Variants in DNASE1 observed in about 807,000 individuals in gnomAD.
DNASE1 encodes deoxyribonuclease-1.
A neutral mutation model predicts 33.9 loss-of-function variants in DNASE1; 40 were observed. The ratio of observed to expected loss-of-function variants is 1.18; its 90% CI spans 0.92 to 1.54. The LOEUF is 1.54. DNASE1 is among the 40% of genes most tolerant of loss of function. DNASE1 has a pLI of 0.00. For synonymous variants in DNASE1, 216 were observed against 160.0 expected, an observed-to-expected ratio of 1.35 and a Z score of -2.64; for missense variants, 518 against 372.6, an observed-to-expected ratio of 1.39 and a Z score of -3.21.
At chr16:3,612,898 C>T (rs182993298) in intron 1 of DNASE1, among the ~76,000 whole-genome samples, 191 of 150,992 alleles carry the variant, frequency 1.3e-3, no homozygotes, top group Non-Finnish European at 2.3e-3. Context: ...CTGGCCTTAA[C>T]ATCTGAGAGT....
chr16:3,630,286 A>G (rs892804332), intron 1 of DNASE1, among the ~76,000 whole-genome samples: 1 of 151,934 alleles, frequency 6.6e-6, no homozygotes, highest in Non-Finnish European at 1.5e-5. Context: ...GCTCAAAACG[A>G]TCTTCCCACC....
chr16:3,623,640 T>C (rs1170626500), intron 1 of DNASE1, among the ~76,000 whole-genome samples: 1 of 152,224 alleles, frequency 6.6e-6, no homozygotes, highest in South Asian at 2.1e-4. Context: ...AACCCATTAG[T>C]AAGTGAGCAA....
upstream of DNASE1, chr16:3,653,142 A>G (rs903004234): frequency 1.3e-5 from 2 of 152,210 alleles, no homozygotes; most frequent in Non-Finnish European, 2.9e-5. Context: ...ATGCAGGTGC[A>G]CAGATCTTAA....
chr16:3,625,282 G>A (rs895419502), intron 1 of DNASE1, among the ~76,000 whole-genome samples: 1 of 152,116 alleles, frequency 6.6e-6, no homozygotes, highest in Non-Finnish European at 1.5e-5. Flanking sequence ...TTCCAGCCTG[G>A]GCAACAGAGT....
chr16:3,617,481 A>G (rs960196914), intron 1 of DNASE1, among the ~76,000 whole-genome samples: 6 of 152,190 alleles, frequency 3.9e-5, no homozygotes, highest in Non-Finnish European at 7.3e-5. Context: ...TTTGTGTAAA[A>G]GTATACTATC....
At chr16:3,636,845 C>A (rs1270054447) in intron 1 of DNASE1, among the ~76,000 whole-genome samples, 1 of 151,914 alleles carries the variant, frequency 6.6e-6, no homozygotes, top group Non-Finnish European at 1.5e-5. Flanking sequence ...AAAAACAGGC[C>A]AGGCACAGTG....
chr16:3,662,583 C>T (rs188558080), downstream of DNASE1: 25 of 613,972 alleles, frequency 4.1e-5, no homozygotes, highest in Admixed American at 4.5e-4. Context: ...GTAGCATGTC[C>T]CTTGTTTGGA....
Position 3,657,053 on chromosome 16 carries a change from C to A in DNASE1, c.491C>A (p.Ala164Asp). ...PLHAAPGDAV[A>D]EIDALYDVYL... The stretch of plus-strand genomic sequence containing the variant: ...CATGCGGCCCCGGGGGACGCAGTAG[C>A]CGAGATCGACGCTCTCTATGACGTC... Residue 164 changes from alanine to aspartate, a missense_variant, in exon 6 of 9, where the codon GCC (alanine) becomes GAC (aspartate). Physicochemically the swap from Ala to Asp is moderately radical, Grantham distance 126. Coordinates refer to ENST00000246949, the MANE Select transcript of DNASE1 (RefSeq NM_005223.4). 1 of 1,614,002 alleles carries A rather than the reference C, an allele frequency of 6.2e-7. No individual in the cohort carries two copies. Among genetic ancestry groups the A allele is most frequent in the Non-Finnish European group, 8.5e-7 (1 of 1,180,002 alleles).
At chr16:3,630,419 A>G (rs1244191372) in intron 1 of DNASE1, among the ~76,000 whole-genome samples, 2 of 150,628 alleles carry the variant, frequency 1.3e-5, no homozygotes, top group Admixed American at 6.6e-5. Context: ...CAAAGCTCAG[A>G]CATCTGCCCA....
At chr16:3,643,583 A>C (rs757710778) in intron 1 of DNASE1, among the ~76,000 whole-genome samples, 1 of 152,180 alleles carries the variant, frequency 6.6e-6, no homozygotes, top group Non-Finnish European at 1.5e-5. Context: ...GGACATGTCC[A>C]GACCCTCCGC....
At chr16:3,634,100 G>A (rs562446429) in intron 1 of DNASE1, among the ~76,000 whole-genome samples, 7 of 151,744 alleles carry the variant, frequency 4.6e-5, no homozygotes, top group Non-Finnish European at 8.8e-5. Context: ...GTGAACCACC[G>A]CACCTGGCCA....
At chr16:3,662,580 G>A (rs1417679119), downstream of DNASE1, 6 of 608,570 alleles carry the variant, frequency 9.9e-6, no homozygotes, top group East Asian at 2.0e-4. Context: ...GGGGTAGCAT[G>A]TCCCTTGTTT....
intron 1 of DNASE1, among the ~76,000 whole-genome samples, chr16:3,616,657 TA>T (rs1476353097): frequency 7.2e-6 from 1 of 138,588 alleles, no homozygotes; most frequent in Non-Finnish European, 1.6e-5. Flanking sequence ...AATAAATTCA[TA>T]TGTAATTGCA....
chr16:3,642,598 C>G (rs1596610200), upstream of DNASE1, among the ~76,000 whole-genome samples: 1 of 152,166 alleles, frequency 6.6e-6, no homozygotes, highest in Non-Finnish European at 1.5e-5. Context: ...GAGCCCAGCT[C>G]TCGTGGGGCT....
chr16:3,615,382 A>G (rs908589334), intron 1 of DNASE1, among the ~76,000 whole-genome samples: 5 of 152,208 alleles, frequency 3.3e-5, no homozygotes, highest in African/African-American at 9.7e-5. Context: ...CCTGGACCCT[A>G]TTGTGACTGT....
At chr16:3,629,044 C>T (rs1222333308) in intron 1 of DNASE1, among the ~76,000 whole-genome samples, 3 of 150,012 alleles carry the variant, frequency 2.0e-5, no homozygotes, top group Non-Finnish European at 4.4e-5. Flanking sequence ...TGATGGTGGG[C>T]GCCTGTAATC....
At chr16:3,634,964 G>A (rs780633759) in intron 1 of DNASE1, among the ~76,000 whole-genome samples, 2 of 151,918 alleles carry the variant, frequency 1.3e-5, no homozygotes, top group Non-Finnish European at 2.9e-5. Context: ...CCCTCCTTAG[G>A]CAACCTGGTG....
At position 3,643,610 on chromosome 16, in the gene DNASE1, G is replaced by A. The variant is rs541172290; in HGVS notation, c.-86+574G>A. 1.7e-3 allele frequency among the ~76,000 whole-genome samples: 254 copies of A among 152,316 alleles called. 11 individuals carry two copies. The South Asian group carries it at 0.048, about 29-fold the overall frequency. Reference sequence around the variant, plus strand: ...ACCCTCCGCCCTTCTGTCACGCACAGTCCCTGACACTCAGTTGAAGGCAAC... The same window carrying A: ...ACCCTCCGCCCTTCTGTCACGCACAATCCCTGACACTCAGTTGAAGGCAAC... On this transcript the variant is annotated intron_variant, in intron 1 of 9. Transcript: ENST00000407479.
At chr16:3,662,384 G>A (rs954904774), downstream of DNASE1, 15 of 583,450 alleles carry the variant, frequency 2.6e-5, no homozygotes, top group Non-Finnish European at 4.0e-5. Context: ...GGAGCTGCCC[G>A]AATCCATCGT....
Sources: gnomAD v4.1 joint callset for allele counts (sites outside exome capture counted in the v4.1 genomes callset) on GRCh38, gnomAD v4.1.1 for gene constraint, MANE v1.5 for transcripts, NCBI Gene and HGNC (gene_info 2026-07-23, HGNC 2026-07-21) for gene names.